INSR: variants seen among roughly 807,000 people sequenced by gnomAD.
INSR encodes insulin receptor.
Under a neutral mutation model 142.6 loss-of-function variants are expected in INSR, and 67 were observed. The observed-to-expected ratio is 0.47, with a 90% CI of 0.39 to 0.58. INSR has a LOEUF of 0.58. Ranked by LOEUF, INSR falls within the 20% of genes least tolerant of loss-of-function variation. The probability of loss-of-function intolerance (pLI) is 0.00; values close to 1 mark genes in which losing one functional copy is unlikely to be tolerated. For synonymous variants in INSR, 756 were observed against 743.1 expected, an observed-to-expected ratio of 1.02 and a Z score of -0.28; for missense variants, 1,248 against 1,833.2, an observed-to-expected ratio of 0.68 and a Z score of 5.83.
chr19:7,256,952 T>C (rs993364975), intron 2 of INSR, among the ~76,000 whole-genome samples: 1 of 105,102 alleles, frequency 9.5e-6, no homozygotes, highest in Admixed American at 9.2e-5. Flanking sequence ...TTTTTTTTTT[T>C]CTTTTTTTGA....
intron 2 of INSR, among the ~76,000 whole-genome samples, chr19:7,234,432 T>C (rs944179769): frequency 2.0e-5 from 3 of 152,154 alleles, no homozygotes; most frequent in Non-Finnish European, 4.4e-5. Flanking sequence ...GGTCTTGAAG[T>C]CCTGGGCTCA....
At position 7,152,846 on chromosome 19, in the gene INSR, T is replaced by C; in HGVS notation, c.2111A>G (p.Asp704Gly). 6.8e-6 allele frequency: 11 copies of C among 1,613,386 alleles called. No homozygotes were observed. The highest frequency in any genetic ancestry group is 9.3e-6 in the Non-Finnish European group (11 of 1,179,912). The change falls in exon 10 of 22, where the codon GAT becomes GGT. Residue 704 changes from aspartate (D) to glycine (G), a missense_variant. Asp to Gly is a moderately conservative substitution (Grantham distance 94, BLOSUM62 -1). Transcript: ENST00000302850. ...ACAGGAGCAGCATTCGCCGGCCGAA[T>C]CCTCATACTCACTCTGGTTGTGCTT... ...SQKHNQSEYE[D>G]SAGECCSCPK...
At chr19:7,288,420 T>C (rs1399158125) in intron 1 of INSR, among the ~76,000 whole-genome samples, 2 of 151,996 alleles carry the variant, frequency 1.3e-5, no homozygotes, top group Non-Finnish European at 2.9e-5. Context: ...GGAGGCTCAC[T>C]TGAGGCCAGG....
chr19:7,193,854 T>A (rs1974665621), intron 2 of INSR, among the ~76,000 whole-genome samples: 1 of 151,984 alleles, frequency 6.6e-6, no homozygotes, highest in African/African-American at 2.4e-5. Context: ...CATGCTTGGC[T>A]AATTTTTGTA....
intron 2 of INSR, among the ~76,000 whole-genome samples, chr19:7,231,295 G>GTTTTTTTTTTTTT (rs59830751): frequency 7.4e-6 from 1 of 135,002 alleles, no homozygotes; most frequent in Admixed American, 7.4e-5. Context: ...GGTGTTTTTT[G>GTTTTTTTTTTTTT]TTTTTTTTTT....
intron 2 of INSR, among the ~76,000 whole-genome samples, chr19:7,209,571 C>T (rs1030074241): frequency 9.5e-6 from 1 of 104,998 alleles, no homozygotes; most frequent in Admixed American, 1.1e-4. Flanking sequence ...GCACACACCA[C>T]CATGCCCAGC....
intron 2 of INSR, among the ~76,000 whole-genome samples, chr19:7,197,516 GGTGTGTGTGT>G (rs552352795): frequency 2.8e-5 from 2 of 70,856 alleles, no homozygotes; most frequent in Non-Finnish European, 5.6e-5. Flanking sequence ...TGGGAGTGGG[GGTGTGTGTGT>G]GTGTGTGTGT....
At chr19:7,247,883 G>T (rs1976583349) in intron 2 of INSR, among the ~76,000 whole-genome samples, 1 of 152,182 alleles carries the variant, frequency 6.6e-6, no homozygotes, top group Non-Finnish European at 1.5e-5. Flanking sequence ...ACAACTGAGG[G>T]ACAAATATCT....
chr19:7,170,683 A>T lies in INSR; in HGVS notation c.1337T>A (p.Leu446His). The change falls in exon 6 of 22, where the codon CTC becomes CAC. Residue 446 changes from leucine (L) to histidine (H), a missense_variant. Physicochemically the swap from Leu to His is moderately conservative, Grantham distance 99. Transcript: ENST00000302850. ...RQLWDWSKHN[L>H]TITQGKLFFH... ...GAAGAGTTTCCCCTGAGTGATGGTG[A>T]GGTTGTGTTTGCTCCAGTCCCAGAG... The T allele has an allele frequency of 6.2e-7, 1 of 1,613,930 alleles. No individual in the cohort carries two copies. Among genetic ancestry groups the T allele is most frequent in the Non-Finnish European group, 8.5e-7 (1 of 1,179,988 alleles).
chr19:7,173,179 A>C (rs1258555112), intron 4 of INSR, among the ~76,000 whole-genome samples: 6 of 152,142 alleles, frequency 3.9e-5, no homozygotes, highest in Non-Finnish European at 7.4e-5. Flanking sequence ...CACAGACCAC[A>C]ACCTGACCTT....
intron 2 of INSR, among the ~76,000 whole-genome samples, chr19:7,257,328 T>C (rs764569676): frequency 8.5e-5 from 13 of 152,064 alleles, no homozygotes; most frequent in Non-Finnish European, 1.6e-4. Flanking sequence ...GACAGTGACA[T>C]CGCCACAAGG....
intron 3 of INSR, 43 bp from the exon 4 acceptor site, chr19:7,174,774 G>A (rs1471829136): frequency 1.9e-6 from 3 of 1,592,954 alleles, no homozygotes; most frequent in African/African-American, 2.7e-5. Context: ...AAGGGGAGGG[G>A]GGTGTCACGG....
At position 7,150,420 on chromosome 19, in the gene INSR, G is replaced by C; in HGVS notation, c.2267+77C>G. 7.3e-7 allele frequency: 1 copy of C among 1,371,588 alleles called. No homozygotes were observed. Among genetic ancestry groups the C allele is most frequent in the Non-Finnish European group, 1.0e-6 (1 of 964,740 alleles). 85.0% of individuals were successfully genotyped at this position (1,371,588 alleles called of 1,614,324 possible). ...TGCAAAAAGCCACAGAAACCCCTGG[G>C]TTCTCCGAGGCATCTGCCTGGCACG... On this transcript the variant is annotated intron_variant, in intron 11 of 21. Coordinates refer to ENST00000302850, the MANE Select transcript of INSR (RefSeq NM_000208.4). This position sits in a 1 kb window ranked among gnomAD's most constrained non-coding sequence, Gnocchi z 4.2.
At chr19:7,146,256 T>C (rs1973184531) in intron 11 of INSR, among the ~76,000 whole-genome samples, 1 of 150,330 alleles carries the variant, frequency 6.7e-6, no homozygotes, top group Non-Finnish European at 1.5e-5. Context: ...TTTTTTTTTT[T>C]TTGAGACAGA....
intron 15 of INSR, 147 bp from the exon 16 acceptor site, chr19:7,126,798 G>A (rs1480936783): frequency 6.6e-6 from 5 of 761,914 alleles, no homozygotes; most frequent in Non-Finnish European, 1.1e-5. Context: ...AGGGATGGGG[G>A]ACCTTTATGT....
intron 2 of INSR, among the ~76,000 whole-genome samples, chr19:7,258,251 A>C (rs148256412): frequency 0.018 from 2,697 of 152,280 alleles, 74 homozygotes; most frequent in African/African-American, 0.061. Flanking sequence ...CCTGGGCAAC[A>C]TAGCAAGACC....
intron 2 of INSR, among the ~76,000 whole-genome samples, chr19:7,246,876 T>C (rs1344315143): frequency 7.2e-6 from 1 of 139,758 alleles, no homozygotes; most frequent in Non-Finnish European, 1.5e-5. Flanking sequence ...TTCAGGGTGG[T>C]TTGTTACACA....
chr19:7,117,189 T>C lies in INSR; in HGVS notation c.4016A>G (p.Glu1339Gly). Residue 1339 changes from glutamate (E) to glycine (G), a missense_variant, in exon 22 of 22, where the codon GAG becomes GGG. Around this residue, in one of 3 missense-constraint regions of INSR, gnomAD observed 122 missense variants for 129.8 expected, o/e 0.94. Transcript: ENST00000302850. ...GGACCCTCCATCCCGGCCCCCCGCC[T>C]CCTCCCTCTGACAGTGCGAGGAACG... is the stretch of plus-strand genomic sequence containing the variant. ...LDRSSHCQRE[E>G]AGGRDGGSSL... The C allele has an allele frequency of 6.2e-7, 1 of 1,614,028 alleles. No individual in the cohort carries two copies. The highest frequency in any genetic ancestry group is 8.5e-7 in the Non-Finnish European group (1 of 1,180,004).
At chr19:7,167,062 A>T (rs1973905207) in intron 7 of INSR, among the ~76,000 whole-genome samples, 1 of 152,188 alleles carries the variant, frequency 6.6e-6, no homozygotes, top group Non-Finnish European at 1.5e-5. Flanking sequence ...TAAAAATCTG[A>T]AATCTGAAAT....
Sources: allele counts gnomAD v4.1 joint callset (sites outside exome capture counted in the v4.1 genomes callset), GRCh38; gene constraint gnomAD v4.1.1; regional missense constraint gnomAD v4.1.1; non-coding constraint Gnocchi (gnomAD v3.1); transcripts MANE v1.5; gene names NCBI Gene and HGNC (gene_info 2026-07-23, HGNC 2026-07-21).